The following PALLD variants were observed in gnomAD, a reference collection of about 807,000 sequenced individuals.
PALLD encodes palladin, cytoskeletal associated protein, also known as palladin.
PALLD carries 61 observed loss-of-function variants against 123.5 expected under a neutral mutation model. The observed-to-expected ratio is 0.49, with a 90% confidence interval of 0.40 to 0.61. The LOEUF is 0.61. Ranked by LOEUF, PALLD falls within the 20% of genes least tolerant of loss-of-function variation. The probability of loss-of-function intolerance (pLI) is 0.00; values close to 1 mark genes in which losing one functional copy is unlikely to be tolerated. For synonymous variants in PALLD, 465 were observed against 496.4 expected, an observed-to-expected ratio of 0.94 and a Z score of 0.84; for missense variants, 1,273 against 1,377.0, an observed-to-expected ratio of 0.92 and a Z score of 1.20.
chr4:168,616,251 T>G (rs1041009973), intron 2 of PALLD, among the ~76,000 whole-genome samples: 1 of 152,220 alleles, frequency 6.6e-6, no homozygotes, highest in African/African-American at 2.4e-5. Flanking sequence ...TGCATGCATC[T>G]TTGGAGATGC....
At chr4:168,861,279 TAAA>T (rs11459765) in intron 10 of PALLD, among the ~76,000 whole-genome samples, 3 of 149,368 alleles carry the variant, frequency 2.0e-5, no homozygotes, top group Admixed American at 6.6e-5. Context: ...AATATGGAAT[TAAA>T]AAAAAAAAAC....
chr4:168,653,608 A>T (rs946171906), intron 2 of PALLD, among the ~76,000 whole-genome samples: 13 of 152,326 alleles, frequency 8.5e-5, no homozygotes, highest in African/African-American at 2.9e-4. Flanking sequence ...TTGGGCTCTG[A>T]TAATTAGAAC....
At chr4:168,591,938 G>C (rs1041253222) in intron 2 of PALLD, among the ~76,000 whole-genome samples, 1 of 151,602 alleles carries the variant, frequency 6.6e-6, no homozygotes, top group African/African-American at 2.4e-5. Flanking sequence ...TTGGGTATTT[G>C]AGAAATAACT....
At chr4:168,901,791 G>C (rs1560888013) in intron 14 of PALLD, among the ~76,000 whole-genome samples, 1 of 152,186 alleles carries the variant, frequency 6.6e-6, no homozygotes, top group East Asian at 1.9e-4. Context: ...CCGGGAGGCA[G>C]AAATTGCAGT....
At chr4:168,528,709 G>C (rs927560622) in intron 2 of PALLD, among the ~76,000 whole-genome samples, 1 of 152,188 alleles carries the variant, frequency 6.6e-6, no homozygotes, top group Admixed American at 6.5e-5. Context: ...AATGATGAGT[G>C]ATTCATACAT....
intron 10 of PALLD, among the ~76,000 whole-genome samples, chr4:168,888,414 G>A (rs1418738242): frequency 6.6e-6 from 1 of 152,144 alleles, no homozygotes; most frequent in Non-Finnish European, 1.5e-5. Flanking sequence ...TCCATGGTAG[G>A]TTAAGACAGT....
At chr4:168,822,237 C>G (rs973793260) in intron 10 of PALLD, among the ~76,000 whole-genome samples, 1 of 134,156 alleles carries the variant, frequency 7.5e-6, no homozygotes, top group African/African-American at 2.7e-5. Context: ...AATTGTTTTA[C>G]ATACTAGAGC....
intron 2 of PALLD, among the ~76,000 whole-genome samples, chr4:168,571,980 A>G (rs1769037241): frequency 6.6e-6 from 1 of 152,120 alleles, no homozygotes; most frequent in African/African-American, 2.4e-5. Flanking sequence ...TAATCCCAGC[A>G]CTTTGGGAGG....
At chr4:168,915,075 TC>T (rs1759831729) in intron 16 of PALLD, among the ~76,000 whole-genome samples, 1 of 152,200 alleles carries the variant, frequency 6.6e-6, no homozygotes, top group Admixed American at 6.5e-5. Context: ...TATCAGTGGG[TC>T]CTGGAAAGCT....
At chr4:168,632,949 T>TTA (rs1775979616) in intron 2 of PALLD, among the ~76,000 whole-genome samples, 1 of 152,100 alleles carries the variant, frequency 6.6e-6, no homozygotes, top group Non-Finnish European at 1.5e-5. Flanking sequence ...TGATGGAATG[T>TTA]TAGGAGAGGG....
intron 2 of PALLD, among the ~76,000 whole-genome samples, chr4:168,601,809 G>T (rs1295782390): frequency 2.0e-5 from 3 of 152,128 alleles, no homozygotes; most frequent in African/African-American, 7.2e-5. Flanking sequence ...GCCAAGGGTA[G>T]CTCTTCGAGA....
At chr4:168,543,132 A>G (rs1353208357) in intron 2 of PALLD, among the ~76,000 whole-genome samples, 2 of 152,050 alleles carry the variant, frequency 1.3e-5, no homozygotes, top group African/African-American at 2.4e-5. Flanking sequence ...GTCAGCTAGG[A>G]CCACTTCCTA....
intron 18 of PALLD, among the ~76,000 whole-genome samples, chr4:168,923,771 A>C (rs1306346569): frequency 1.3e-5 from 2 of 152,172 alleles, no homozygotes; most frequent in Non-Finnish European, 2.9e-5. Context: ...ATTCTATGGC[A>C]TGTCTCACTT....
At chr4:168,896,098 T>G (rs1018253960) in intron 12 of PALLD, among the ~76,000 whole-genome samples, 6 of 151,372 alleles carry the variant, frequency 4.0e-5, no homozygotes, top group African/African-American at 1.5e-4. Context: ...TAGTCCCAGC[T>G]ACGCGGGAGG....
intron 12 of PALLD, among the ~76,000 whole-genome samples, chr4:168,895,537 G>A (rs1754943057): frequency 6.6e-6 from 1 of 152,202 alleles, no homozygotes. Flanking sequence ...CTTAAAGTAA[G>A]CTAGAGAAAA....
intron 10 of PALLD, among the ~76,000 whole-genome samples, chr4:168,754,490 G>T (rs1731500925): frequency 6.6e-6 from 1 of 152,140 alleles, no homozygotes; most frequent in South Asian, 2.1e-4. Context: ...GATCCTAATT[G>T]TGGATTCCCA....
At chr4:168,602,689 G>A (rs1772788162) in intron 2 of PALLD, among the ~76,000 whole-genome samples, 1 of 152,192 alleles carries the variant, frequency 6.6e-6, no homozygotes, top group South Asian at 2.1e-4. Context: ...TTAAAAGTAA[G>A]GGACTGTTAG....
In PALLD at chr4:168,576,247, A is replaced by G. The variant is rs571108660; in HGVS notation, c.908+63835A>G. On this transcript the variant is annotated intron_variant, in intron 2 of 21. Coordinates refer to ENST00000505667, the MANE Select transcript of PALLD (RefSeq NM_001166108.2). ...GCATTTTCTTTTTTTTTCTTTTTTT[A>G]TTATTATACTTTGAGTTTTAGGGAA... Among the ~76,000 whole-genome samples, 3 of 149,582 alleles carry G rather than the reference A, an allele frequency of 2.0e-5. 1 individual carries two copies. Among genetic ancestry groups the G allele is most frequent in the Middle Eastern group, 6.4e-3 (2 of 314 alleles).
intron 10 of PALLD, among the ~76,000 whole-genome samples, chr4:168,803,858 T>C (rs1875297): frequency 0.92 from 139,786 of 152,228 alleles, 64,236 homozygotes; most frequent in Middle Eastern, 0.95. Context: ...AAACGGTGTA[T>C]GAAGTGTGTT....
Sources: allele counts gnomAD v4.1 joint callset (sites outside exome capture counted in the v4.1 genomes callset), GRCh38; gene constraint gnomAD v4.1.1; transcripts MANE v1.5; gene names NCBI Gene and HGNC (gene_info 2026-07-23, HGNC 2026-07-21).